Variants in KCNJ6 observed in about 807,000 individuals in gnomAD.
KCNJ6 encodes potassium inwardly rectifying channel subfamily J member 6.
Under a neutral mutation model 34.2 loss-of-function variants are expected in KCNJ6, and 9 were observed. The ratio of observed to expected loss-of-function variants is 0.26; its 90% CI spans 0.16 to 0.46. The LOEUF is 0.46. Ranked by LOEUF, KCNJ6 falls within the 20% of genes least tolerant of loss-of-function variation. The pLI is 1.00. For missense variants in KCNJ6, 236 were observed against 531.3 expected (o/e 0.44, Z 5.46); for synonymous variants, 196 against 207.1 (o/e 0.95, Z 0.46).
Position 37,625,486 on chromosome 21 carries a change from T to C in KCNJ6, c.947-2A>G. Reference sequence around the variant, plus strand: ...AGCTTCGAGCTTGGCATGTCATCCCTGCAGAGAGAAGAATGGAGGCTTTAG... The same window carrying C: ...AGCTTCGAGCTTGGCATGTCATCCCCGCAGAGAGAAGAATGGAGGCTTTAG... On this transcript the variant is annotated splice_acceptor_variant, in intron 3 of 3. Coordinates refer to ENST00000609713, the MANE Select transcript of KCNJ6 (RefSeq NM_002240.5). LOFTEE classifies it high-confidence loss of function. 1 of 1,608,900 alleles carries C rather than the reference T, an allele frequency of 6.2e-7. No homozygotes were observed. The highest frequency in any genetic ancestry group is 8.5e-7 in the Non-Finnish European group (1 of 1,176,612).
intron 2 of KCNJ6, among the ~76,000 whole-genome samples, chr21:37,749,520 C>T (rs917563800): frequency 3.9e-5 from 6 of 152,234 alleles, no homozygotes; most frequent in South Asian, 2.1e-4. Context: ...ACCTGGAGCC[C>T]GGCTGTCATT....
At chr21:37,892,795 A>G (rs2055768473) in intron 1 of KCNJ6, among the ~76,000 whole-genome samples, 1 of 151,946 alleles carries the variant, frequency 6.6e-6, no homozygotes. Flanking sequence ...AAATCACTAT[A>G]CAGGAGAGTG....
chr21:37,878,141 T>C (rs746286820), intron 1 of KCNJ6, among the ~76,000 whole-genome samples: 2 of 152,090 alleles, frequency 1.3e-5, no homozygotes, highest in African/African-American at 2.4e-5. Context: ...CAACCAAGGT[T>C]TGAGGGAGAA....
At chr21:37,732,400 C>T (rs1187983667) in intron 2 of KCNJ6, among the ~76,000 whole-genome samples, 2 of 152,176 alleles carry the variant, frequency 1.3e-5, no homozygotes, top group South Asian at 2.1e-4. Context: ...CAGAGAGAAG[C>T]GAGAAAGTGA....
At chr21:37,808,198 T>A (rs1269856419) in intron 2 of KCNJ6, among the ~76,000 whole-genome samples, 1 of 152,170 alleles carries the variant, frequency 6.6e-6, no homozygotes, top group Admixed American at 6.5e-5. Context: ...CCTAACGAAA[T>A]CCGTGGAATT....
chr21:37,743,478 A>G (rs561602809), intron 2 of KCNJ6, among the ~76,000 whole-genome samples: 2 of 152,156 alleles, frequency 1.3e-5, no homozygotes, highest in Non-Finnish European at 2.9e-5. Context: ...TAAGAGGTGG[A>G]ACATTTAAGA....
intron 3 of KCNJ6, among the ~76,000 whole-genome samples, chr21:37,707,429 G>A (rs1239152920): frequency 6.6e-6 from 1 of 152,136 alleles, no homozygotes; most frequent in Non-Finnish European, 1.5e-5. Flanking sequence ...CCGTGAGTAG[G>A]TACCATTATT....
intron 3 of KCNJ6, among the ~76,000 whole-genome samples, chr21:37,661,590 C>T (rs2054488262): frequency 6.9e-6 from 1 of 143,934 alleles, no homozygotes; most frequent in Non-Finnish European, 1.5e-5. Flanking sequence ...ATTAGAAGCT[C>T]CACCCATTTC....
At chr21:37,891,379 G>A (rs555143814) in intron 1 of KCNJ6, among the ~76,000 whole-genome samples, 1 of 152,000 alleles carries the variant, frequency 6.6e-6, no homozygotes, top group African/African-American at 2.4e-5. Context: ...ACGGACACAG[G>A]CATGTACACT....
At chr21:37,636,251 A>G (rs1459672697) in intron 3 of KCNJ6, among the ~76,000 whole-genome samples, 1 of 152,212 alleles carries the variant, frequency 6.6e-6, no homozygotes, top group Non-Finnish European at 1.5e-5. Flanking sequence ...CTCTTCTGGA[A>G]ACACCCTCAC....
chr21:37,763,998 T>A (rs62224371), intron 2 of KCNJ6, among the ~76,000 whole-genome samples: 56 of 152,042 alleles, frequency 3.7e-4, no homozygotes, highest in Non-Finnish European at 7.6e-4. Flanking sequence ...ATCTCACATA[T>A]CTACATACTC....
At chr21:37,636,273 T>A (rs2054357644) in intron 3 of KCNJ6, among the ~76,000 whole-genome samples, 2 of 152,214 alleles carry the variant, frequency 1.3e-5, no homozygotes, top group African/African-American at 4.8e-5. Flanking sequence ...GACACACCCA[T>A]AAATAATGTC....
At chr21:37,875,225 T>A (rs1430825260) in intron 1 of KCNJ6, among the ~76,000 whole-genome samples, 1 of 152,168 alleles carries the variant, frequency 6.6e-6, no homozygotes, top group Non-Finnish European at 1.5e-5. Context: ...CAAACAGGCA[T>A]TATTTTTGTA....
intron 3 of KCNJ6, among the ~76,000 whole-genome samples, chr21:37,644,027 T>C (rs895562432): frequency 2.0e-5 from 3 of 152,198 alleles, no homozygotes; most frequent in Non-Finnish European, 4.4e-5. Context: ...ATATACACCA[T>C]GGAATACTAT....
chr21:37,800,409 C>G (rs2835966), intron 2 of KCNJ6, among the ~76,000 whole-genome samples: 66,930 of 152,040 alleles, frequency 0.44, 16,267 homozygotes, highest in Non-Finnish European at 0.53. Context: ...ATCCCAAAAA[C>G]TGAAACAAAA....
At chr21:37,781,018 G>A (rs1421959909) in intron 2 of KCNJ6, among the ~76,000 whole-genome samples, 2 of 152,190 alleles carry the variant, frequency 1.3e-5, no homozygotes, top group Non-Finnish European at 2.9e-5. Flanking sequence ...TCACGTTAGG[G>A]GAATGGAAAA....
At chr21:37,892,517 G>A (rs922065280) in intron 1 of KCNJ6, among the ~76,000 whole-genome samples, 4 of 152,152 alleles carry the variant, frequency 2.6e-5, no homozygotes, top group African/African-American at 7.2e-5. Flanking sequence ...TGACTGGGTT[G>A]GGAAATTTGG....
intron 3 of KCNJ6, among the ~76,000 whole-genome samples, chr21:37,648,814 A>G (rs931097668): frequency 1.3e-5 from 2 of 152,122 alleles, no homozygotes; most frequent in African/African-American, 4.8e-5. Flanking sequence ...AAAACTGCAG[A>G]TATTTAAATC....
rs1205777478 is a variant in KCNJ6 at position 37,611,395 on chromosome 21, T to C, written c.*13764A>G. 6.6e-6 allele frequency: 1 copy of C among 152,238 alleles called. No homozygotes were observed. The highest frequency in any genetic ancestry group is 1.5e-5 in the Non-Finnish European group (1 of 68,036). The allele number at this position is 152,238 out of a possible 1,614,324, so 9.4% of individuals were successfully genotyped here. A position where few individuals can be genotyped will look rare whatever the true frequency, so the allele number is the denominator to read the frequency against. ...AAGCACTTGGCCCAGATGGGTTCAC[T>C]GGTGAATTCTACCAAAGACTTAAGG... On this transcript the variant is annotated 3_prime_UTR_variant, in exon 4 of 4. Transcript: ENST00000609713.
Sources: gnomAD v4.1 joint callset for allele counts (sites outside exome capture counted in the v4.1 genomes callset) on GRCh38, gnomAD v4.1.1 for gene constraint, MANE v1.5 for transcripts, NCBI Gene and HGNC (gene_info 2026-07-23, HGNC 2026-07-21) for gene names.